The following CEP164 variants were observed in gnomAD, a reference collection of about 807,000 sequenced individuals.
The protein encoded by CEP164 is centrosomal protein of 164 kDa.
In CEP164, 162 loss-of-function variants were observed where a neutral mutation model predicts 182.7. The ratio of observed to expected loss-of-function variants is 0.89; its 90% confidence interval spans 0.78 to 1.01. CEP164 has a LOEUF of 1.01. CEP164 is among the 50% of genes least tolerant of loss of function. The pLI is 0.00. For missense variants in CEP164, 1,735 were observed against 1,790.4 expected, an observed-to-expected ratio of 0.97 and a Z score of 0.56; for synonymous variants, 661 against 690.0, an observed-to-expected ratio of 0.96 and a Z score of 0.66.
chr11:117,413,034 C>A lies in CEP164; in HGVS notation c.*866C>A, dbSNP rs1345318743. The A allele has an allele frequency of 2.0e-5, 3 of 152,312 alleles. No homozygotes were observed. Among genetic ancestry groups the A allele is most frequent in the Non-Finnish European group, 2.9e-5 (2 of 68,096 alleles). 9.4% of individuals were successfully genotyped at this position (152,312 alleles called of 1,614,324 possible). A position where few individuals can be genotyped will look rare whatever the true frequency, so the allele number is the denominator to read the frequency against. ...CCATCTGTCTTTTCTACCTGTGCCA[C>A]CCCTGCCCTGATTCCACGGCTGCCT... On this transcript the variant is annotated 3_prime_UTR_variant, in exon 33 of 33. Coordinates refer to ENST00000278935, the MANE Select transcript of CEP164 (RefSeq NM_014956.5).
chr11:117,373,636 T>C, intron 9 of CEP164, 115 bp from the exon 10 acceptor site: 1 of 828,662 alleles, frequency 1.2e-6, no homozygotes, highest in Non-Finnish European at 2.0e-6. Context: ...AGAGTGGATT[T>C]CAGTTTGACC....
intron 2 of CEP164, 33 bp downstream of exon 2, chr11:117,335,713 G>T (rs1591974941): frequency 6.4e-6 from 1 of 155,518 alleles, no homozygotes; most frequent in East Asian, 1.9e-4. Flanking sequence ...AAAGCTCATC[G>T]ACTAAACGGA....
chr11:117,371,397 G>A lies in CEP164; in HGVS notation c.1083G>A (p.Arg361=). 1 of 1,614,164 alleles carries A rather than the reference G, an allele frequency of 6.2e-7. No individual in the cohort carries two copies. The highest frequency in any genetic ancestry group is 1.7e-5 in the Admixed American group (1 of 60,024). The stretch of plus-strand genomic sequence containing the variant: ...ATGCAGGAGAGGAGGGTTCCAGGAG[G>A]GAAGAGGCAGCCAAGGAGCCAAAGA... ...TVDAGEEGSR[R]EEAAKEPKKK... The change falls in exon 9 of 33, where the codon AGG becomes AGA. Residue 361 remains arginine, a synonymous_variant. Transcript: ENST00000278935.
At chr11:117,323,947 GT>G (rs1386255338), upstream of CEP164, 6 of 308,198 alleles carry the variant, frequency 1.9e-5, no homozygotes, top group Admixed American at 3.4e-5. Flanking sequence ...CGGTTATTTG[GT>G]TTTTTTTCTC....
At chr11:117,381,938 T>C in intron 13 of CEP164, 70 bp downstream of exon 13, 3 of 1,150,818 alleles carry the variant, frequency 2.6e-6, no homozygotes, top group Non-Finnish European at 3.3e-6. Context: ...TGGGTATGTG[T>C]GCTAGTGCTG....
In CEP164 at chr11:117,409,093, G is replaced by C. The variant is rs987853683; in HGVS notation, c.3748+65G>C. On this transcript the variant is annotated intron_variant, in intron 29 of 32. Transcript: ENST00000278935. This position sits in a 1 kb window ranked among gnomAD's most constrained non-coding sequence, Gnocchi z 4.4. ...TGGAATGGGAGGAACTTGGGGAATAGAAGAAGAGCTCTCTTCCCTCAGCCC... is the reference window on the plus strand; with the variant it reads ...TGGAATGGGAGGAACTTGGGGAATACAAGAAGAGCTCTCTTCCCTCAGCCC... 31 of 1,601,868 alleles carry C rather than the reference G, an allele frequency of 1.9e-5. No homozygotes were observed. The highest frequency in any genetic ancestry group is 2.4e-5 in the Non-Finnish European group (28 of 1,173,166).
intron 30 of CEP164, chr11:117,410,536 C>T (rs2047233259): frequency 1.6e-5 from 5 of 307,302 alleles, no homozygotes; most frequent in Admixed American, 4.3e-5. Flanking sequence ...CTAATTCTTG[C>T]TTCTGAGCCA....
rs767292266 is a variant in CEP164 at position 117,390,984 on chromosome 11, A to G, written c.2067-15A>G. The G allele has an allele frequency of 8.1e-6, 13 of 1,613,874 alleles. No homozygotes were observed. In the African/African-American group the frequency reaches 1.3e-4, roughly 17 times the overall value. ...GGGTGCACAGGCCCGTTACCATTCCACTGTGTCCACCCAGGGCTGAGCAAG... is the reference window on the plus strand; with the variant it reads ...GGGTGCACAGGCCCGTTACCATTCCGCTGTGTCCACCCAGGGCTGAGCAAG... On this transcript the variant is annotated splice_polypyrimidine_tract_variant and intron_variant, in intron 16 of 32. Transcript: ENST00000278935.
intron 23 of CEP164, 113 bp from the exon 24 acceptor site, chr11:117,395,434 T>C: frequency 8.1e-7 from 1 of 1,241,406 alleles, no homozygotes; most frequent in African/African-American, 1.5e-5. Flanking sequence ...TCAGTGGCTC[T>C]GAATTCATTC....
At chr11:117,336,493 A>G (rs1289468697) in intron 2 of CEP164, 9 of 1,496,252 alleles carry the variant, frequency 6.0e-6, no homozygotes, top group Non-Finnish European at 8.3e-6. Context: ...GCCCTGGGGA[A>G]CTCCTAGGGG....
At chr11:117,331,981 A>AATATATATATATAT (rs56696952) in intron 1 of CEP164, among the ~76,000 whole-genome samples, 39 of 142,318 alleles carry the variant, frequency 2.7e-4, no homozygotes, top group African/African-American at 9.2e-4. Context: ...ATGCCTGGCT[A>AATATATATATATAT]ATATATATAT....
upstream of CEP164, among the ~76,000 whole-genome samples, chr11:117,327,222 T>A (rs1331745880): frequency 6.6e-6 from 1 of 152,142 alleles, no homozygotes. Flanking sequence ...GAGAGCCAGT[T>A]TTTTTGCGGG....
intron 7 of CEP164, 72 bp from the exon 8 acceptor site, chr11:117,363,357 C>A: frequency 8.8e-7 from 1 of 1,135,340 alleles, no homozygotes; most frequent in Non-Finnish European, 1.3e-6. Flanking sequence ...CCCACTTTTC[C>A]CTCTGCACAC....
chr11:117,336,253 C>G, intron 2 of CEP164: 1 of 1,587,754 alleles, frequency 6.3e-7, no homozygotes, highest in Non-Finnish European at 8.6e-7. Flanking sequence ...GGAATGCTTG[C>G]CATGCTTTTG....
chr11:117,339,114 G>A (rs1413915344), intron 3 of CEP164, among the ~76,000 whole-genome samples: 1 of 152,156 alleles, frequency 6.6e-6, no homozygotes, highest in Non-Finnish European at 1.5e-5. Flanking sequence ...CACCTTGCCT[G>A]GCTACTTGCC....
Position 117,394,972 on chromosome 11 carries a change from T to G in CEP164, c.2813T>G (p.Val938Gly), listed in dbSNP as rs374045323. ...ELDLETRAKD[V>G]KARLALLEVQ... The stretch of plus-strand genomic sequence containing the variant: ...GACCTTGAAACCAGAGCTAAAGATG[T>G]CAAGGCCAGATTGGCTCTGCTGGAG... The change falls in exon 22 of 33, where the codon GTC becomes GGC. Residue 938 changes from valine (V) to glycine (G), a missense_variant. Val to Gly is a moderately radical substitution (Grantham distance 109). Coordinates refer to ENST00000278935, the MANE Select transcript of CEP164 (RefSeq NM_014956.5). This position sits in a 1 kb window ranked among gnomAD's most constrained non-coding sequence, Gnocchi z 4.0. The G allele has an allele frequency of 5.0e-6, 8 of 1,614,154 alleles. No homozygotes were observed. Among genetic ancestry groups the G allele is most frequent in the East Asian group, 4.5e-5 (2 of 44,872 alleles).
At chr11:117,367,547 T>C (rs1436370041) in intron 8 of CEP164, among the ~76,000 whole-genome samples, 2 of 152,262 alleles carry the variant, frequency 1.3e-5, no homozygotes, top group African/African-American at 2.4e-5. Context: ...TATTATACTT[T>C]AAGTTTTAGG....
chr11:117,376,795 T>G (rs1211397861), intron 11 of CEP164, among the ~76,000 whole-genome samples: 1 of 152,172 alleles, frequency 6.6e-6, no homozygotes, highest in Non-Finnish European at 1.5e-5. Context: ...TAAAGAGATG[T>G]GAAGGCACAG....
chr11:117,409,184 ACAC>A lies in CEP164; in HGVS notation c.3748+159_3748+161del, dbSNP rs1388657684. ...GCTCGGTCAGTGCTGGGAAGGAATC[ACAC>A]CATCTAGGTTTGCCAGCACGTGGGG... On this transcript the variant is annotated intron_variant, in intron 29 of 32. Transcript: ENST00000278935. This position sits in a 1 kb window ranked among gnomAD's most constrained non-coding sequence, Gnocchi z 4.4. 8 of 1,009,090 alleles carry A rather than the reference ACAC, an allele frequency of 7.9e-6. 1 individual carries two copies. The Admixed American group carries it at 1.3e-4, about 16-fold the overall frequency. 62.5% of individuals were successfully genotyped at this position (1,009,090 alleles called of 1,614,324 possible).
Sources: gnomAD v4.1 joint callset for allele counts (sites outside exome capture counted in the v4.1 genomes callset) on GRCh38, gnomAD v4.1.1 for gene constraint, Gnocchi (gnomAD v3.1) non-coding constraint, MANE v1.5 for transcripts, NCBI Gene and HGNC (gene_info 2026-07-23, HGNC 2026-07-21) for gene names.